EIF4ENIF1: variants seen among roughly 807,000 people sequenced by gnomAD.
The protein encoded by EIF4ENIF1 is eukaryotic translation initiation factor 4E nuclear import factor 1, also known as eukaryotic translation initiation factor 4E transporter.
A neutral mutation model predicts 110.5 loss-of-function variants in EIF4ENIF1; 23 were observed. The observed-to-expected ratio is 0.21, with a 90% CI of 0.15 to 0.29. EIF4ENIF1 has a LOEUF of 0.29. EIF4ENIF1 is among the 10% of genes least tolerant of loss of function. The pLI, the probability that EIF4ENIF1 is intolerant of heterozygous loss-of-function variation, is 1.00. For synonymous variants in EIF4ENIF1, 440 were observed against 437.0 expected, an observed-to-expected ratio of 1.01 and a Z score of -0.09; for missense variants, 1,031 against 1,221.1, an observed-to-expected ratio of 0.84 and a Z score of 2.32.
chr22:31,444,614 T>G lies in EIF4ENIF1; in HGVS notation c.2065A>C (p.Thr689Pro). The G allele has an allele frequency of 6.2e-7, 1 of 1,614,084 alleles. No individual in the cohort carries two copies. Among genetic ancestry groups the G allele is most frequent in the Non-Finnish European group, 8.5e-7 (1 of 1,179,982 alleles). Residue 689 changes from threonine (T) to proline (P), a missense_variant, in exon 15 of 19, where the codon ACA becomes CCA. Thr to Pro is a conservative substitution (Grantham distance 38). This residue lies in a region of EIF4ENIF1 where 704 missense variants were observed against 879.7 expected (regional missense o/e 0.80). Transcript: ENST00000330125. ...TACTAAAGGTCACTGACCATGCTTG[T>G]GATGGAGGCAGCAGGGGCAGGGGAA... ...SSSPAPAASI[T>P]SMLSPSFTPT...
intron 3 of EIF4ENIF1, 139 bp downstream of exon 3, chr22:31,471,705 C>A: frequency 1.3e-5 from 10 of 756,976 alleles, no homozygotes; most frequent in Non-Finnish European, 2.2e-5. Context: ...TGAAACCCAT[C>A]TTATTACCTC....
chr22:31,450,183 G>T (rs1055092793), intron 11 of EIF4ENIF1, 106 bp downstream of exon 11: 1 of 837,710 alleles, frequency 1.2e-6, no homozygotes, highest in Non-Finnish European at 2.0e-6. Flanking sequence ...TGATTGCCAG[G>T]CAACACAGAT....
Position 31,454,215 on chromosome 22 carries a change from T to A in EIF4ENIF1, c.1441A>T (p.Met481Leu). 1 of 1,614,202 alleles carries A rather than the reference T, an allele frequency of 6.2e-7. No individual in the cohort carries two copies. Among genetic ancestry groups the A allele is most frequent in the Non-Finnish European group, 8.5e-7 (1 of 1,180,018 alleles). The change falls in exon 10 of 19, where the codon ATG (methionine) becomes TTG (leucine). Residue 481 changes from methionine (M) to leucine (L), a missense_variant. Transcript: ENST00000330125. ...CTCACTAGCTTGTTGAACGCAGTCA[T>A]GTCTCCGTCTTTCTTCAGTTGTCGA... The part of the protein sequence containing the change: ...NNRQLKKDGD[M>L]TAFNKLVSTM...
chr22:31,490,571 A>G (rs2052241929), upstream of EIF4ENIF1, among the ~76,000 whole-genome samples: 3 of 152,156 alleles, frequency 2.0e-5, no homozygotes, highest in South Asian at 6.2e-4. Flanking sequence ...CCCTCCGGTA[A>G]CCTGAATCTG....
chr22:31,488,265 A>C (rs917449624), intron 2 of EIF4ENIF1, among the ~76,000 whole-genome samples: 1 of 152,230 alleles, frequency 6.6e-6, no homozygotes, highest in Non-Finnish European at 1.5e-5. Context: ...TACAGAGGAC[A>C]CTAACTTTGT....
At chr22:31,485,154 TTAAC>T (rs892637620) in intron 2 of EIF4ENIF1, among the ~76,000 whole-genome samples, 2 of 152,216 alleles carry the variant, frequency 1.3e-5, no homozygotes, top group African/African-American at 4.8e-5. Context: ...AAAATTGTCA[TTAAC>T]TAAATCCTCT....
Position 31,471,909 on chromosome 22 carries a change from G to A in EIF4ENIF1, c.105C>T (p.Leu35=). The change falls in exon 3 of 19, where the codon CTC becomes CTT. Residue 35 remains leucine (L), a synonymous_variant. Coordinates refer to ENST00000330125, the MANE Select transcript of EIF4ENIF1 (RefSeq NM_019843.4). ...KCPHRYTKEE[L]LDIKELPHSK... is the part of the protein sequence containing the mutation. ...AATGGGGGAGTTCTTTTATATCCAA[G>A]AGTTCTTCCTAAAAAGAGAAGTCAA... 1 of 1,596,094 alleles carries A rather than the reference G, an allele frequency of 6.3e-7. No homozygotes were observed. Among genetic ancestry groups the A allele is most frequent in the African/African-American group, 1.4e-5 (1 of 73,714 alleles).
intron 15 of EIF4ENIF1, chr22:31,444,393 A>G (rs16989623): frequency 0.042 from 21,139 of 507,008 alleles, 513 homozygotes; most frequent in Non-Finnish European, 0.051. Context: ...CTGCTGGAAC[A>G]TATTTTCCCC....
chr22:31,444,493 G>C, intron 15 of EIF4ENIF1, 113 bp downstream of exon 15: 1 of 992,328 alleles, frequency 1.0e-6, no homozygotes, highest in East Asian at 2.4e-5. Context: ...TACTAGGTCA[G>C]TTATTTCCGT....
chr22:31,479,850 T>C (rs1350451587), intron 2 of EIF4ENIF1, among the ~76,000 whole-genome samples: 1 of 151,908 alleles, frequency 6.6e-6, no homozygotes, highest in African/African-American at 2.4e-5. Flanking sequence ...CAGCTAAGAC[T>C]ACAGGTGCAT....
At chr22:31,474,573 T>C (rs111272410) in intron 2 of EIF4ENIF1, among the ~76,000 whole-genome samples, 2 of 152,144 alleles carry the variant, frequency 1.3e-5, no homozygotes, top group African/African-American at 4.8e-5. Flanking sequence ...CAGCTATTTC[T>C]GAGAAATCCT....
chr22:31,451,021 C>CCG, intron 10 of EIF4ENIF1: 1 of 152,640 alleles, frequency 6.6e-6, no homozygotes. Context: ...GCTGGGACTA[C>CCG]AGGTGTATGC....
intron 2 of EIF4ENIF1, among the ~76,000 whole-genome samples, chr22:31,476,834 TCAAA>T (rs1057431600): frequency 2.1e-5 from 3 of 141,594 alleles, no homozygotes; most frequent in African/African-American, 2.5e-5. Context: ...AGATTCTGTG[TCAAA>T]CAAACAAAAA....
chr22:31,490,282 A>G (rs954783979), upstream of EIF4ENIF1, among the ~76,000 whole-genome samples: 1 of 152,240 alleles, frequency 6.6e-6, no homozygotes, highest in Non-Finnish European at 1.5e-5. Context: ...CATGGTTCGC[A>G]TAGGCAGAGA....
Position 31,449,395 on chromosome 22 carries a change from C to A in EIF4ENIF1, c.1721G>T (p.Arg574Leu), listed in dbSNP as rs766177443. 1.2e-6 allele frequency: 2 copies of A among 1,613,934 alleles called. No individual in the cohort carries two copies. The highest frequency in any genetic ancestry group is 1.7e-6 in the Non-Finnish European group (2 of 1,180,008). The change falls in exon 12 of 19, where the codon CGA becomes CTA. Residue 574 changes from arginine to leucine, a missense_variant. Arg to Leu is a moderately radical substitution (Grantham distance 102). Around this residue, in one of 3 missense-constraint regions of EIF4ENIF1, gnomAD observed 704 missense variants for 879.7 expected, o/e 0.80. Transcript: ENST00000330125. ...GCGAAGGTAGTCAGCTGAGGCTGCT[C>A]GAGTTTGAAACACCTGTGACAAGGG... is the stretch of plus-strand genomic sequence containing the variant. ...SPPLSQVFQT[R>L]AASADYLRPR...
At chr22:31,451,525 C>T (rs1010922320) in intron 10 of EIF4ENIF1, among the ~76,000 whole-genome samples, 10 of 151,904 alleles carry the variant, frequency 6.6e-5, no homozygotes, top group Admixed American at 1.3e-4. Flanking sequence ...CTGCCCGCCT[C>T]GGCCTCCCAA....
intron 18 of EIF4ENIF1, 51 bp downstream of exon 18, chr22:31,440,653 C>G (rs779013294): frequency 1.3e-6 from 2 of 1,570,700 alleles, no homozygotes; most frequent in Non-Finnish European, 1.7e-6. Context: ...CTCAAAGCTT[C>G]AAGACTCCCT....
intron 2 of EIF4ENIF1, among the ~76,000 whole-genome samples, chr22:31,482,576 G>A (rs10427704): frequency 0.049 from 7,451 of 151,248 alleles, 218 homozygotes; most frequent in South Asian, 0.083. Flanking sequence ...CAGCTACTCA[G>A]GAGGCTGAGG....
At position 31,441,898 on chromosome 22, in the gene EIF4ENIF1, G is replaced by T. The variant is rs757943615; in HGVS notation, c.2427C>A (p.His809Gln). Residue 809 changes from histidine to glutamine, a missense_variant, in exon 17 of 19, where the codon CAC (histidine) becomes CAA (glutamine). Physicochemically the swap from His to Gln is conservative, Grantham distance 24. Coordinates refer to ENST00000330125, the MANE Select transcript of EIF4ENIF1 (RefSeq NM_019843.4). ...GGACATGGGGGACAAGGGGAACTTG[G>T]TGGACAGGGCGGAGAAAAGGTGTTG... ...VPTTPFLRPV[H>Q]QVPLVPHVPM... 3 of 1,614,080 alleles carry T rather than the reference G, an allele frequency of 1.9e-6. No individual in the cohort carries two copies. In the African/African-American group the frequency reaches 4.0e-5, roughly 22 times the overall value.
Sources: allele counts gnomAD v4.1 joint callset (sites outside exome capture counted in the v4.1 genomes callset), GRCh38; gene constraint gnomAD v4.1.1; regional missense constraint gnomAD v4.1.1; transcripts MANE v1.5; gene names NCBI Gene and HGNC (gene_info 2026-07-23, HGNC 2026-07-21).